IL4R: variants seen among roughly 807,000 people sequenced by gnomAD.
IL4R encodes interleukin-4 receptor subunit alpha.
In IL4R, 17 loss-of-function variants were observed where a neutral mutation model predicts 41.5. The ratio of observed to expected loss-of-function variants is 0.41; its 90% confidence interval spans 0.28 to 0.61. The LOEUF (loss-of-function observed/expected upper bound fraction) is 0.61, where lower values mean the gene tolerates loss of function less well. Ranked by LOEUF, IL4R falls within the 20% of genes least tolerant of loss-of-function variation. The probability of loss-of-function intolerance (pLI) is 0.31; values close to 1 mark genes in which losing one functional copy is unlikely to be tolerated. For synonymous variants in IL4R, 402 were observed against 422.9 expected (o/e 0.95, Z 0.61); for missense variants, 974 against 1,043.1 (o/e 0.93, Z 0.91).
intron 1 of IL4R, among the ~76,000 whole-genome samples, chr16:27,323,313 G>C (rs139806433): frequency 1.3e-5 from 2 of 152,222 alleles, no homozygotes; most frequent in African/African-American, 4.8e-5. Flanking sequence ...CCATCACCTC[G>C]GGCAAATTCT....
At chr16:27,314,280 T>A in intron 1 of IL4R, 2 of 263,178 alleles carry the variant, frequency 7.6e-6, no homozygotes, top group Non-Finnish European at 1.2e-5. Context: ...CAGTGAGACC[T>A]CCGCCGGGAC....
intron 2 of IL4R, among the ~76,000 whole-genome samples, chr16:27,336,750 G>T (rs2085272616): frequency 6.6e-6 from 1 of 151,018 alleles, no homozygotes; most frequent in African/African-American, 2.4e-5. Flanking sequence ...GAGAGAAAAG[G>T]CATGGAGGTG....
intron 5 of IL4R, among the ~76,000 whole-genome samples, 199 bp from the exon 6 acceptor site, chr16:27,346,268 A>G (rs1287118145): frequency 6.6e-6 from 1 of 152,218 alleles, no homozygotes; most frequent in Non-Finnish European, 1.5e-5. Context: ...CTAAAGTTCT[A>G]TGTAGAATTT....
In IL4R at chr16:27,363,858, C is replaced by T. The variant is rs761071650; in HGVS notation, c.*28C>T. 1.1e-5 allele frequency: 17 copies of T among 1,582,620 alleles called. No homozygotes were observed. In the South Asian group the frequency reaches 1.9e-4, roughly 18 times the overall value. On this transcript the variant is annotated 3_prime_UTR_variant, in exon 11 of 11. Transcript: ENST00000395762. ...GCATGTCCTCTTGTTGCTGAGTCTGCAGATGAGGACTAGGGCTTATCCATG... is the reference window on the plus strand; with the variant it reads ...GCATGTCCTCTTGTTGCTGAGTCTGTAGATGAGGACTAGGGCTTATCCATG...
chr16:27,339,306 G>A (rs901928583), intron 2 of IL4R, among the ~76,000 whole-genome samples: 2 of 152,228 alleles, frequency 1.3e-5, no homozygotes, highest in South Asian at 2.1e-4. Flanking sequence ...ACCCAATAGA[G>A]CAATACGTTT....
At chr16:27,357,734 G>C (rs911003543) in intron 8 of IL4R, among the ~76,000 whole-genome samples, 7 of 152,044 alleles carry the variant, frequency 4.6e-5, no homozygotes, top group African/African-American at 1.5e-4. Flanking sequence ...AAGGTGCTGG[G>C]TACAGGCATG....
At chr16:27,360,707 T>C (rs372238631) in intron 9 of IL4R, 59 bp from the exon 10 acceptor site, 73 of 1,610,886 alleles carry the variant, frequency 4.5e-5, no homozygotes, top group Non-Finnish European at 5.9e-5. Context: ...AGCATTGCCG[T>C]ACTCCAGGCC....
At chr16:27,340,605 C>T (rs2085409910) in intron 3 of IL4R, among the ~76,000 whole-genome samples, 1 of 152,014 alleles carries the variant, frequency 6.6e-6, no homozygotes, top group Non-Finnish European at 1.5e-5. Context: ...GCCTGTAGCC[C>T]CAGCTACTCA....
chr16:27,336,194 G>A (rs560390557), intron 2 of IL4R, among the ~76,000 whole-genome samples: 1 of 152,214 alleles, frequency 6.6e-6, no homozygotes, highest in East Asian at 1.9e-4. Context: ...ACTTGCATTA[G>A]CCTACAGTTG....
chr16:27,328,230 T>C (rs1156770622), intron 1 of IL4R, among the ~76,000 whole-genome samples: 1 of 120,336 alleles, frequency 8.3e-6, no homozygotes, highest in Non-Finnish European at 1.8e-5. Flanking sequence ...AAAAGATTGT[T>C]GAATTTATTA....
chr16:27,332,696 T>C (rs1355765798), intron 2 of IL4R, among the ~76,000 whole-genome samples: 1 of 151,892 alleles, frequency 6.6e-6, no homozygotes, highest in Non-Finnish European at 1.5e-5. Context: ...CAATTTTGTA[T>C]TTTTTTCTTC....
Position 27,342,142 on chromosome 16 carries a change from A to C in IL4R, c.92A>C (p.Glu31Ala), listed in dbSNP as rs908910299. Residue 31 changes from glutamate to alanine, a missense_variant, in exon 4 of 11, where the codon GAG becomes GCG. Glu to Ala is a moderately radical substitution (Grantham distance 107). Coordinates refer to ENST00000395762, the MANE Select transcript of IL4R (RefSeq NM_000418.4). ...CCAGGGAACATGAAGGTCTTGCAGG[A>C]GCCCACCTGCGTCTCCGACTACATG... ...ASSGNMKVLQ[E>A]PTCVSDYMSI... 6.2e-7 allele frequency: 1 copy of C among 1,614,072 alleles called. No homozygotes were observed. The highest frequency in any genetic ancestry group is 8.5e-7 in the Non-Finnish European group (1 of 1,180,040).
At chr16:27,358,808 C>A in intron 8 of IL4R, 108 bp from the exon 9 acceptor site, 3 of 796,336 alleles carry the variant, frequency 3.8e-6, no homozygotes, top group Admixed American at 1.9e-5. Context: ...AACTAATCAG[C>A]CTGATCTCTG....
chr16:27,345,253 C>T lies in IL4R; in HGVS notation c.361+233C>T, dbSNP rs2085600386. ...GCCCCCTTCAGCCCAGCTGTTTCCA[C>T]CCCTGAACTTAAGTGCCCAGGAAGG... On this transcript the variant is annotated intron_variant, in intron 5 of 10. Transcript: ENST00000395762. The surrounding 1 kb of genome is among the most constrained non-coding windows in gnomAD (Gnocchi z 4.5). 1.5e-6 allele frequency: 1 copy of T among 674,078 alleles called. No homozygotes were observed. Among genetic ancestry groups the T allele is most frequent in the Non-Finnish European group, 2.7e-6 (1 of 368,404 alleles). The allele number at this position is 674,078 out of a possible 1,614,324, so 41.8% of individuals were successfully genotyped here.
At position 27,333,100 on chromosome 16, in the gene IL4R, T is replaced by A. The variant is rs146975524; in HGVS notation, c.-19+2902T>A. On this transcript the variant is annotated intron_variant, in intron 2 of 10. Coordinates refer to ENST00000395762, the MANE Select transcript of IL4R (RefSeq NM_000418.4). ...TGTCCCAGAATGTGGTCTGTCTTGG[T>A]GATTATTCCACATGAACCTGAGGAG... 9.2e-3 allele frequency among the ~76,000 whole-genome samples: 1,398 copies of A among 152,172 alleles called. 15 individuals are homozygous for A. The highest frequency in any genetic ancestry group is 0.032 in the African/African-American group (1,344 of 41,526).
intron 6 of IL4R, among the ~76,000 whole-genome samples, chr16:27,348,591 AAAGCCAC>A (rs2085749866): frequency 6.6e-6 from 1 of 152,166 alleles, no homozygotes; most frequent in Admixed American, 6.5e-5. Flanking sequence ...CCTACATCCC[AAAGCCAC>A]AGTGGGAAAA....
At chr16:27,331,199 A>G (rs569953873) in intron 2 of IL4R, among the ~76,000 whole-genome samples, 41 of 152,256 alleles carry the variant, frequency 2.7e-4, no homozygotes, top group African/African-American at 9.9e-4. Flanking sequence ...AATTAAGTGT[A>G]TGCACCTTGC....
At chr16:27,340,443 C>T (rs111526526) in intron 3 of IL4R, among the ~76,000 whole-genome samples, 170 bp downstream of exon 3, 38 of 152,220 alleles carry the variant, frequency 2.5e-4, no homozygotes, top group African/African-American at 9.2e-4. Context: ...GTGATGGGAG[C>T]CGGGTGCAGT....
At chr16:27,360,965 G>T (rs768949249) in intron 10 of IL4R, 150 bp downstream of exon 10, 3 of 1,531,212 alleles carry the variant, frequency 2.0e-6, no homozygotes, top group Non-Finnish European at 2.6e-6. Context: ...AGGAGGAGGG[G>T]TGTTCTGGAA....
Sources: allele counts gnomAD v4.1 joint callset (sites outside exome capture counted in the v4.1 genomes callset), GRCh38; gene constraint gnomAD v4.1.1; non-coding constraint Gnocchi (gnomAD v3.1); transcripts MANE v1.5; gene names NCBI Gene and HGNC (gene_info 2026-07-23, HGNC 2026-07-21).